Variants in ARPC1B observed in about 807,000 individuals in gnomAD.
ARPC1B encodes actin related protein 2/3 complex subunit 1B, also known as actin-related protein 2/3 complex subunit 1B.
ARPC1B carries 29 observed loss-of-function variants against 46.0 expected under a neutral mutation model. The observed-to-expected ratio is 0.63, with a 90% CI of 0.47 to 0.86. The LOEUF is 0.86. ARPC1B is among the 40% of genes least tolerant of loss of function. ARPC1B has a pLI of 0.00. For synonymous variants in ARPC1B, 201 were observed against 213.9 expected (o/e 0.94, Z 0.53); for missense variants, 469 against 529.4 (o/e 0.89, Z 1.12).
intron 5 of ARPC1B, 123 bp downstream of exon 5, chr7:99,390,135 G>A (rs1794523664): frequency 2.4e-6 from 2 of 833,776 alleles, no homozygotes; most frequent in Non-Finnish European, 3.8e-6. Context: ...CCTGCTACCA[G>A]TGGATGACCT....
intron 1 of ARPC1B, among the ~76,000 whole-genome samples, chr7:99,385,484 TAAG>T (rs1794359433): frequency 1.3e-5 from 2 of 152,012 alleles, no homozygotes; most frequent in Admixed American, 6.6e-5. Context: ...TGCCCTTTTA[TAAG>T]GAGGGAAACT....
intron 1 of ARPC1B, among the ~76,000 whole-genome samples, chr7:99,376,151 G>A (rs1234401214): frequency 6.6e-6 from 1 of 151,714 alleles, no homozygotes; most frequent in African/African-American, 2.4e-5. Flanking sequence ...TGCCTTGGCA[G>A]TGAGCCAAGA....
rs757278702 is a variant in ARPC1B, at chr7:99,394,051, G to A, written c.1012G>A (p.Gly338Ser). The A allele has an allele frequency of 5.0e-6, 8 of 1,613,010 alleles. No homozygotes were observed. The highest frequency in any genetic ancestry group is 2.2e-5 in the East Asian group (1 of 44,894). ...CAGCCAGATCTCGGTGCTCAGCGGC[G>A]GCAAGGCCAAGTGCTCGCAGTTCTG... ...SVSQISVLSG[G>S]KAKCSQFCTT... The change falls in exon 9 of 10, where the codon GGC becomes AGC. Residue 338 changes from glycine to serine, a missense_variant. Gly to Ser is a moderately conservative substitution (Grantham distance 56). Transcript: ENST00000646101.
At chr7:99,379,802 C>T (rs959016702) in intron 1 of ARPC1B, among the ~76,000 whole-genome samples, 1 of 132,890 alleles carries the variant, frequency 7.5e-6, no homozygotes, top group Non-Finnish European at 1.5e-5. Context: ...CCATGCCTGG[C>T]TAATTTTTTT....
At chr7:99,376,681 A>T (rs1368686591) in intron 1 of ARPC1B, 1 of 152,102 alleles carries the variant, frequency 6.6e-6, no homozygotes. Context: ...GACCAGCCTG[A>T]CCAACGTGGT....
intron 8 of ARPC1B, among the ~76,000 whole-genome samples, chr7:99,393,360 A>G (rs1244120287): frequency 6.6e-6 from 1 of 152,038 alleles, no homozygotes; most frequent in Non-Finnish European, 1.5e-5. Flanking sequence ...CTCGCTCTGC[A>G]TTTCCGGGAC....
At chr7:99,387,968 C>T in intron 3 of ARPC1B, 71 bp from the exon 4 acceptor site, 2 of 1,019,184 alleles carry the variant, frequency 2.0e-6, no homozygotes, top group Non-Finnish European at 1.5e-6. Flanking sequence ...CAGCCTCTCC[C>T]ATGTGGCCAC....
chr7:99,385,601 C>T (rs1258725369), intron 1 of ARPC1B, 101 bp from the exon 2 acceptor site: 7 of 1,016,146 alleles, frequency 6.9e-6, no homozygotes, highest in East Asian at 5.2e-5. Context: ...GAGGGGCCTC[C>T]CTGGTGTGAG....
rs1286398934 is a variant in ARPC1B at position 99,391,273 on chromosome 7, G to A, written c.783+20G>A. 3.1e-6 allele frequency: 5 copies of A among 1,611,686 alleles called. No homozygotes were observed. In the East Asian group the frequency reaches 8.9e-5, roughly 29 times the overall value. On this transcript the variant is annotated intron_variant, in intron 7 of 9. Coordinates refer to ENST00000646101, the MANE Select transcript of ARPC1B (RefSeq NM_005720.4). ...GCAGCGGTGAGGAATAGGGAGGGGA[G>A]GGAGGGTGTGTGGTCACAGCAGGCC...
intron 1 of ARPC1B, among the ~76,000 whole-genome samples, chr7:99,375,838 G>A (rs1794018986): frequency 1.3e-5 from 2 of 152,156 alleles, no homozygotes; most frequent in Admixed American, 6.5e-5. Context: ...GAGGTGGACG[G>A]ATCACTTGAG....
intron 5 of ARPC1B, 90 bp downstream of exon 5, chr7:99,390,102 C>G (rs1308574261): frequency 3.3e-6 from 4 of 1,202,116 alleles, no homozygotes; most frequent in East Asian, 2.4e-5. Flanking sequence ...GCTCTACACC[C>G]CAGCTTCTAG....
intron 9 of ARPC1B, 27 bp downstream of exon 9, chr7:99,394,146 G>C: frequency 6.2e-7 from 1 of 1,608,422 alleles, no homozygotes; most frequent in Non-Finnish European, 8.5e-7. Flanking sequence ...CTGGCTTCCC[G>C]CCATGCCTCC....
rs1290250256 is a variant in ARPC1B, at chr7:99,391,082, T to C, written c.690T>C (p.Asp230=). 1 of 1,613,534 alleles carries C rather than the reference T, an allele frequency of 6.2e-7. No homozygotes were observed. Residue 230 remains aspartate (D), a synonymous_variant, in exon 6 of 10, where the codon GAT becomes GAC. Coordinates refer to ENST00000646101, the MANE Select transcript of ARPC1B (RefSeq NM_005720.4). ...VSHDSTVCLA[D]ADKKMAVATL... is the part of the protein sequence containing the mutation. The stretch of plus-strand genomic sequence containing the variant: ...ACGACAGCACCGTCTGCCTGGCTGA[T>C]GCCGACAAGAAGATGGCGTGAGTCG...
At chr7:99,389,698 A>T in intron 4 of ARPC1B, 1 of 568,620 alleles carries the variant, frequency 1.8e-6, no homozygotes, top group Admixed American at 3.1e-5. Flanking sequence ...GATAGAGGGC[A>T]CAGAGTTCCC....
intron 1 of ARPC1B, among the ~76,000 whole-genome samples, chr7:99,375,783 C>T (rs995560059): frequency 7.2e-5 from 11 of 152,100 alleles, no homozygotes; most frequent in African/African-American, 2.7e-4. Context: ...TAAAATGTAG[C>T]CAGGCGCTGT....
chr7:99,380,365 C>T (rs1236504391), intron 1 of ARPC1B, among the ~76,000 whole-genome samples: 1 of 152,178 alleles, frequency 6.6e-6, no homozygotes, highest in Non-Finnish European at 1.5e-5. Context: ...AGCTGCTTTG[C>T]AGAAGTTATG....
chr7:99,382,218 A>G (rs1049132990), intron 1 of ARPC1B, among the ~76,000 whole-genome samples: 1 of 152,050 alleles, frequency 6.6e-6, no homozygotes, highest in African/African-American at 2.4e-5. Context: ...CGGGCGGATC[A>G]CTTGAGGTCA....
chr7:99,377,942 C>A (rs1794078338), intron 1 of ARPC1B, among the ~76,000 whole-genome samples: 1 of 151,992 alleles, frequency 6.6e-6, no homozygotes, highest in Non-Finnish European at 1.5e-5. Flanking sequence ...GTTGATAGGT[C>A]TTTTCTAATA....
At chr7:99,386,333 C>A in intron 2 of ARPC1B, 1 of 429,834 alleles carries the variant, frequency 2.3e-6, no homozygotes, top group Non-Finnish European at 4.5e-6. Context: ...TGACATTTAC[C>A]CAGAGACCCA....
Sources: allele counts gnomAD v4.1 joint callset (sites outside exome capture counted in the v4.1 genomes callset), GRCh38; gene constraint gnomAD v4.1.1; transcripts MANE v1.5; gene names NCBI Gene and HGNC (gene_info 2026-07-23, HGNC 2026-07-21).